PLD5: variants seen among roughly 807,000 people sequenced by gnomAD.
PLD5 encodes the protein phospholipase D family member 5, also known as inactive phospholipase D5.
In PLD5, 36 loss-of-function variants were observed where a neutral mutation model predicts 61.1. That is an observed-to-expected ratio of 0.59 (90% confidence interval 0.45 to 0.78). The LOEUF is 0.78. Ranked by LOEUF, PLD5 falls within the 30% of genes least tolerant of loss-of-function variation. The probability of loss-of-function intolerance (pLI) is 0.00; values close to 1 mark genes in which losing one functional copy is unlikely to be tolerated. For synonymous variants in PLD5, 243 were observed against 242.8 expected (o/e 1.00, Z -0.01); for missense variants, 515 against 644.4 (o/e 0.80, Z 2.17).
chr1:242,215,131 G>A (rs1670089229), intron 5 of PLD5, among the ~76,000 whole-genome samples: 1 of 147,066 alleles, frequency 6.8e-6, no homozygotes, highest in South Asian at 2.1e-4. Context: ...CTTGTGATCT[G>A]CCCACCTCAG....
At chr1:242,186,085 T>G (rs1667857105) in intron 5 of PLD5, among the ~76,000 whole-genome samples, 1 of 152,150 alleles carries the variant, frequency 6.6e-6, no homozygotes, top group African/African-American at 2.4e-5. Flanking sequence ...TTAAATAAAA[T>G]ATCAATTCAA....
At chr1:242,510,611 C>T (rs949381734) in intron 1 of PLD5, among the ~76,000 whole-genome samples, 3 of 152,032 alleles carry the variant, frequency 2.0e-5, no homozygotes, top group African/African-American at 7.2e-5. Context: ...TTTGGGAGGC[C>T]GAGGCGGGTG....
rs1403311039 is a variant in PLD5, at chr1:242,083,499, A to G, written c.*6355T>C. The G allele has an allele frequency of 3.3e-5, 5 of 152,214 alleles. No homozygotes were observed. Among genetic ancestry groups the G allele is most frequent in the Non-Finnish European group, 7.3e-5 (5 of 68,028 alleles). 9.4% of individuals were successfully genotyped at this position (152,214 alleles called of 1,614,324 possible). A position where few individuals can be genotyped will look rare whatever the true frequency, so the allele number is the denominator to read the frequency against. ...CACCAGGAAAACTATAGATCCACCT[A>G]TGAAATATGAATGAGAGATAGCTTT... On this transcript the variant is annotated 3_prime_UTR_variant, in exon 10 of 10. Coordinates refer to ENST00000536534, the MANE Select transcript of PLD5 (RefSeq NM_001372062.1).
At chr1:242,475,020 C>G (rs1160896097) in intron 1 of PLD5, among the ~76,000 whole-genome samples, 1 of 152,214 alleles carries the variant, frequency 6.6e-6, no homozygotes, top group Non-Finnish European at 1.5e-5. Flanking sequence ...TCATGTCCAG[C>G]ATAGTGCCTG....
At chr1:242,173,961 G>A (rs546424274) in intron 5 of PLD5, among the ~76,000 whole-genome samples, 1 of 152,148 alleles carries the variant, frequency 6.6e-6, no homozygotes, top group African/African-American at 2.4e-5. Flanking sequence ...GAAAACCTAG[G>A]TAATACCATT....
chr1:242,362,093 T>C (rs1661102097), intron 1 of PLD5, among the ~76,000 whole-genome samples: 1 of 152,052 alleles, frequency 6.6e-6, no homozygotes, highest in Non-Finnish European at 1.5e-5. Flanking sequence ...ATTAAAATTA[T>C]TCATATTATT....
At chr1:242,268,551 T>C (rs1673854923) in intron 3 of PLD5, among the ~76,000 whole-genome samples, 1 of 152,200 alleles carries the variant, frequency 6.6e-6, no homozygotes, top group African/African-American at 2.4e-5. Flanking sequence ...TGGCAGACTG[T>C]CATTAAATAA....
intron 5 of PLD5, among the ~76,000 whole-genome samples, chr1:242,125,977 G>A (rs1662753840): frequency 6.6e-6 from 1 of 152,164 alleles, no homozygotes; most frequent in East Asian, 1.9e-4. Flanking sequence ...AAAACAATGA[G>A]CATCCTGATA....
At chr1:242,149,558 T>C (rs2148813794) in intron 5 of PLD5, among the ~76,000 whole-genome samples, 1 of 151,814 alleles carries the variant, frequency 6.6e-6, no homozygotes, top group African/African-American at 2.4e-5. Flanking sequence ...TTACTGTTTC[T>C]TCCTTAAATA....
intron 1 of PLD5, among the ~76,000 whole-genome samples, chr1:242,432,409 T>C (rs1380395291): frequency 6.6e-6 from 1 of 152,240 alleles, no homozygotes; most frequent in African/African-American, 2.4e-5. Context: ...GGGACACTCC[T>C]TGTGAAGTCT....
intron 9 of PLD5, 116 bp from the exon 10 acceptor site, chr1:242,090,226 G>A (rs1337265087): frequency 5.2e-6 from 7 of 1,351,184 alleles, no homozygotes; most frequent in South Asian, 2.8e-5. Context: ...GAATAACAAC[G>A]GAGAGGCTGA....
rs1218824621 is a variant in PLD5 at position 242,083,907 on chromosome 1, T to C, written c.*5947A>G. ...GGAAAACTCTAAATTAGAAACCATC[T>C]GTGTTTGTCTTGCAAGGGGCTCAGA... On this transcript the variant is annotated 3_prime_UTR_variant, in exon 10 of 10. Transcript: ENST00000536534. The C allele has an allele frequency of 6.6e-6, 1 of 152,202 alleles. No homozygotes were observed. The allele number at this position is 152,202 out of a possible 1,614,324, so 9.4% of individuals were successfully genotyped here.
At chr1:242,276,184 A>G (rs1280284381) in intron 3 of PLD5, among the ~76,000 whole-genome samples, 29 of 151,276 alleles carry the variant, frequency 1.9e-4, no homozygotes, top group Admixed American at 8.6e-4. Context: ...AAATATTTAA[A>G]AACATCAGCT....
intron 1 of PLD5, among the ~76,000 whole-genome samples, chr1:242,469,698 A>T (rs919717075): frequency 1.3e-5 from 2 of 152,058 alleles, no homozygotes; most frequent in East Asian, 3.9e-4. Flanking sequence ...ATTTTTAGAC[A>T]TGGGGTCTTG....
rs1491570193 is a variant in PLD5, at chr1:242,395,062, T to TATATATGA, written c.190-46821_190-46820insTCATATAT. ...GTATATGTATATATGAATATATATG[T>TATATATGA]ATATATATGAATATATATGTATATA... is the stretch of plus-strand genomic sequence containing the variant. On this transcript the variant is annotated intron_variant, in intron 1 of 9. Coordinates refer to ENST00000536534, the MANE Select transcript of PLD5 (RefSeq NM_001372062.1). Among the ~76,000 whole-genome samples the TATATATGA allele has an allele frequency of 1.2e-4, 7 of 58,430 alleles. 1 individual carries two copies. The highest frequency in any genetic ancestry group is 7.2e-4 in the African/African-American group (7 of 9,738). The allele number at this position is 58,430 out of a possible 152,430, so 38.3% of individuals were successfully genotyped here. A position where few individuals can be genotyped will look rare whatever the true frequency, so the allele number is the denominator to read the frequency against.
At chr1:242,212,845 C>G (rs962371455) in intron 5 of PLD5, among the ~76,000 whole-genome samples, 1 of 152,152 alleles carries the variant, frequency 6.6e-6, no homozygotes, top group Non-Finnish European at 1.5e-5. Context: ...TAATGGCCAC[C>G]GTTATCTCTC....
chr1:242,428,725 A>G (rs1665563525), intron 1 of PLD5, among the ~76,000 whole-genome samples: 1 of 82,492 alleles, frequency 1.2e-5, no homozygotes, highest in African/African-American at 4.4e-5. Flanking sequence ...GAAGAAGAAG[A>G]AAAAAAAACC....
chr1:242,174,598 A>G (rs1666991192), intron 5 of PLD5, among the ~76,000 whole-genome samples: 1 of 152,224 alleles, frequency 6.6e-6, no homozygotes. Context: ...ACACATGCGC[A>G]TGTATGTTTA....
intron 7 of PLD5, among the ~76,000 whole-genome samples, chr1:242,109,202 G>A (rs2033664): frequency 0.085 from 12,963 of 152,260 alleles, 594 homozygotes; most frequent in Middle Eastern, 0.16. Context: ...CAGTGGGGCC[G>A]GCACGGTGGC....
Sources: gnomAD v4.1 joint callset for allele counts (sites outside exome capture counted in the v4.1 genomes callset) on GRCh38, gnomAD v4.1.1 for gene constraint, MANE v1.5 for transcripts, NCBI Gene and HGNC (gene_info 2026-07-23, HGNC 2026-07-21) for gene names.